The following RARRES1 variants were observed in gnomAD, a reference collection of about 807,000 sequenced individuals.
RARRES1 encodes retinoic acid receptor responder protein 1.
Under a neutral mutation model 30.6 loss-of-function variants are expected in RARRES1, and 34 were observed. The observed-to-expected ratio is 1.11, with a 90% CI of 0.84 to 1.48. The LOEUF (loss-of-function observed/expected upper bound fraction) is 1.48, where lower values mean the gene tolerates loss of function less well. Ranked by LOEUF, RARRES1 falls within the 40% of genes most tolerant of loss-of-function variation. The pLI, the probability that RARRES1 is intolerant of heterozygous loss-of-function variation, is 0.00. For missense variants in RARRES1, 373 were observed against 386.5 expected (o/e 0.97, Z 0.29); for synonymous variants, 153 against 155.5 (o/e 0.98, Z 0.12).
rs576797145 is a variant in RARRES1, at chr3:158,724,996, T to C, written c.276+7144A>G. On this transcript the variant is annotated intron_variant, in intron 1 of 5. Transcript: ENST00000237696. ...GTACGTGCCACCACATGTGGCTAAC[T>C]TATTTTTTGTAGAGATGGGGTCTCA... Among the ~76,000 whole-genome samples, 6 of 152,256 alleles carry C rather than the reference T, an allele frequency of 3.9e-5. No homozygotes were observed. In the South Asian group the frequency reaches 1.2e-3, roughly 32 times the overall value.
intron 1 of RARRES1, among the ~76,000 whole-genome samples, chr3:158,717,769 G>T (rs1298118863): frequency 2.0e-5 from 3 of 152,148 alleles, no homozygotes; most frequent in African/African-American, 7.2e-5. Context: ...GCAGGGCTTG[G>T]AGCCAAGGTG....
At chr3:158,726,724 A>G (rs17643483) in intron 1 of RARRES1, among the ~76,000 whole-genome samples, 28,832 of 152,196 alleles carry the variant, frequency 0.19, 2,863 homozygotes, top group Non-Finnish European at 0.23. Context: ...AGCTCATTCC[A>G]CCATAAGTAA....
At chr3:158,702,379 C>T (rs747116127) in intron 4 of RARRES1, among the ~76,000 whole-genome samples, 1 of 152,116 alleles carries the variant, frequency 6.6e-6, no homozygotes, top group Admixed American at 6.6e-5. Flanking sequence ...TGTATGTCCT[C>T]GCTTTCGTAC....
intron 3 of RARRES1, among the ~76,000 whole-genome samples, chr3:158,707,164 A>AAAAC (rs139080381): frequency 7.8e-4 from 118 of 151,898 alleles, no homozygotes; most frequent in Non-Finnish European, 1.5e-3. Context: ...CTGTCTCAAA[A>AAAAC]AAACAAACAA....
intron 4 of RARRES1, 67 bp from the exon 5 acceptor site, chr3:158,698,037 A>G (rs1172559218): frequency 8.6e-7 from 1 of 1,165,584 alleles, no homozygotes. Context: ...TATACAATAC[A>G]TTCTTGTTTT....
At position 158,732,360 on chromosome 3, in the gene RARRES1, C is replaced by T. The variant is rs1257178750; in HGVS notation, c.56G>A (p.Arg19His). The change falls in exon 1 of 6, where the codon CGC (arginine) becomes CAC (histidine). Residue 19 changes from arginine (R) to histidine (H), a missense_variant. Transcript: ENST00000237696. ...PAPWSGPRGP[R>H]PTAPLLALLL... ...CAGCGCGAGCAGCGGGGCGGTGGGG[C>T]GCGGGCCCCTGGGCCCGGACCAGGG... 1.2e-5 allele frequency: 17 copies of T among 1,465,040 alleles called. No homozygotes were observed. Among genetic ancestry groups the T allele is most frequent in the African/African-American group, 1.5e-5 (1 of 67,636 alleles). 90.8% of individuals were successfully genotyped at this position (1,465,040 alleles called of 1,614,324 possible). A position where few individuals can be genotyped will look rare whatever the true frequency, so the allele number is the denominator to read the frequency against.
chr3:158,704,706 A>T, intron 4 of RARRES1, 85 bp downstream of exon 4: 1 of 1,502,960 alleles, frequency 6.7e-7, no homozygotes, highest in South Asian at 1.4e-5. Flanking sequence ...TTGATATGAA[A>T]TTAGAAGTTC....
chr3:158,732,138 A>G lies in RARRES1; in HGVS notation c.276+2T>C. ...TGCCCCGGCGCGTCGCTCCGCACTC[A>G]CCCACGCGCGGCCCTCCTGCACCTC... is the stretch of plus-strand genomic sequence containing the variant. On this transcript the variant is annotated splice_donor_variant, in intron 1 of 5. Coordinates refer to ENST00000237696, the MANE Select transcript of RARRES1 (RefSeq NM_206963.2). LOFTEE classifies it high-confidence loss of function. 1 of 1,364,376 alleles carries G rather than the reference A, an allele frequency of 7.3e-7. No homozygotes were observed. Among genetic ancestry groups the G allele is most frequent in the Non-Finnish European group, 9.4e-7 (1 of 1,066,880 alleles). 84.5% of individuals were successfully genotyped at this position (1,364,376 alleles called of 1,614,324 possible). A position where few individuals can be genotyped will look rare whatever the true frequency, so the allele number is the denominator to read the frequency against.
chr3:158,709,333 T>A (rs560416533), intron 3 of RARRES1, among the ~76,000 whole-genome samples: 2 of 152,330 alleles, frequency 1.3e-5, no homozygotes, highest in African/African-American at 4.8e-5. Context: ...GGAGTACAGA[T>A]AAGCCCTATT....
At position 158,698,139 on chromosome 3, in the gene RARRES1, C is replaced by G. The variant is rs1341447676; in HGVS notation, c.673-169G>C. On this transcript the variant is annotated intron_variant, in intron 4 of 5. Coordinates refer to ENST00000237696, the MANE Select transcript of RARRES1 (RefSeq NM_206963.2). ...CTTCAAGATATGGAAGTCATGGATC[C>G]TCATTTTTGTCTTGTCACTGAGTTA... 3 of 576,810 alleles carry G rather than the reference C, an allele frequency of 5.2e-6. No individual in the cohort carries two copies. In the East Asian group the frequency reaches 8.9e-5, roughly 17 times the overall value. The allele number at this position is 576,810 out of a possible 1,614,324, so 35.7% of individuals were successfully genotyped here.
Position 158,697,919 on chromosome 3 carries a change from A to G in RARRES1, c.724T>C (p.Leu242=), listed in dbSNP as rs772024787. Residue 242 remains leucine (L), a synonymous_variant, in exon 5 of 6, where the codon TTA becomes CTA. Coordinates refer to ENST00000237696, the MANE Select transcript of RARRES1 (RefSeq NM_206963.2). ...DFDYTVLLHE[L]STQEIIPCRI... The stretch of plus-strand genomic sequence containing the variant: ...ATGTTATGTTTTACCTGTGTTGATA[A>G]TTCATGAAGTAGAACAGTATAATCA... 1 of 1,555,732 alleles carries G rather than the reference A, an allele frequency of 6.4e-7. No homozygotes were observed. The highest frequency in any genetic ancestry group is 8.9e-7 in the Non-Finnish European group (1 of 1,128,482).
intron 1 of RARRES1, among the ~76,000 whole-genome samples, chr3:158,719,437 A>G (rs1243445625): frequency 6.6e-6 from 1 of 151,588 alleles, no homozygotes. Context: ...ACACCCGGCT[A>G]ATTTTTGTAT....
At chr3:158,704,317 C>T (rs1726839986) in intron 4 of RARRES1, among the ~76,000 whole-genome samples, 1 of 146,084 alleles carries the variant, frequency 6.8e-6, no homozygotes, top group African/African-American at 2.5e-5. Context: ...ATTACAACCT[C>T]CAACTCCTGG....
At chr3:158,713,227 T>C (rs1428706702) in intron 2 of RARRES1, among the ~76,000 whole-genome samples, 1 of 152,168 alleles carries the variant, frequency 6.6e-6, no homozygotes, top group African/African-American at 2.4e-5. Context: ...GAAGTTCATC[T>C]GGCTCTAATT....
chr3:158,721,424 G>A (rs112256388), intron 1 of RARRES1, among the ~76,000 whole-genome samples: 11 of 152,294 alleles, frequency 7.2e-5, no homozygotes, highest in African/African-American at 2.4e-4. Context: ...ATTTTAACAA[G>A]TTCCACATGA....
rs116462337 is a variant in RARRES1, at chr3:158,726,974, G to A, written c.276+5166C>T. Among the ~76,000 whole-genome samples, 875 of 152,300 alleles carry A rather than the reference G, an allele frequency of 5.7e-3. 6 individuals are homozygous for A. The highest frequency in any genetic ancestry group is 0.02 in the African/African-American group (836 of 41,550). On this transcript the variant is annotated intron_variant, in intron 1 of 5. Coordinates refer to ENST00000237696, the MANE Select transcript of RARRES1 (RefSeq NM_206963.2). ...CTCTGAGATCTGGTTGTTTGAGGGT[G>A]TGGCAGCTCCCCACTTGCTCTCTTG...
chr3:158,722,705 ACC>A (rs764385668), intron 1 of RARRES1, among the ~76,000 whole-genome samples: 28 of 151,906 alleles, frequency 1.8e-4, no homozygotes, highest in Admixed American at 2.6e-4. Context: ...ACATGGTGAA[ACC>A]CCATCTCTAC....
chr3:158,702,977 G>A (rs1007594250), intron 4 of RARRES1, among the ~76,000 whole-genome samples: 10 of 152,194 alleles, frequency 6.6e-5, no homozygotes, highest in African/African-American at 2.4e-4. Context: ...ATGACTTAAT[G>A]CTGGGTAAAT....
At chr3:158,715,822 C>T (rs910656306) in intron 1 of RARRES1, among the ~76,000 whole-genome samples, 55 of 152,096 alleles carry the variant, frequency 3.6e-4, no homozygotes, top group African/African-American at 1.2e-3. Context: ...GGACAAGGCT[C>T]CCATGACCTC....
Sources: allele counts gnomAD v4.1 joint callset (sites outside exome capture counted in the v4.1 genomes callset), GRCh38; gene constraint gnomAD v4.1.1; transcripts MANE v1.5; gene names NCBI Gene and HGNC (gene_info 2026-07-23, HGNC 2026-07-21).